SLC12A2: variants seen among roughly 807,000 people sequenced by gnomAD.
SLC12A2 encodes the protein Na-K-2Cl cotransporter 1.
Under a neutral mutation model 136.3 loss-of-function variants are expected in SLC12A2, and 67 were observed. The ratio of observed to expected loss-of-function variants is 0.49; its 90% confidence interval spans 0.40 to 0.60. The LOEUF is 0.60. Among genes scored for constraint, SLC12A2 ranks in the 20% least tolerant of loss-of-function variants. The pLI is 0.00. For synonymous variants in SLC12A2, 619 were observed against 562.9 expected (o/e 1.10, Z -1.41); for missense variants, 1,322 against 1,534.7 (o/e 0.86, Z 2.32).
chr5:128,146,045 A>G (rs1192171945), intron 10 of SLC12A2, among the ~76,000 whole-genome samples: 1 of 151,946 alleles, frequency 6.6e-6, no homozygotes, highest in Non-Finnish European at 1.5e-5. Flanking sequence ...TCACAGATTC[A>G]GAAGTACACA....
At chr5:128,135,850 A>G in intron 7 of SLC12A2, 42 bp downstream of exon 7, 2 of 1,037,426 alleles carry the variant, frequency 1.9e-6, no homozygotes, top group Non-Finnish European at 3.0e-6. Context: ...GTACCTATTT[A>G]TAGAATTCTA....
intron 16 of SLC12A2, among the ~76,000 whole-genome samples, chr5:128,158,970 C>T (rs914343986): frequency 1.4e-5 from 2 of 146,650 alleles, no homozygotes; most frequent in African/African-American, 2.5e-5. Flanking sequence ...ATTTATAGGG[C>T]TTTCTAGATT....
At chr5:128,149,671 T>C (rs1762637901) in intron 12 of SLC12A2, among the ~76,000 whole-genome samples, 1 of 151,884 alleles carries the variant, frequency 6.6e-6, no homozygotes, top group African/African-American at 2.4e-5. Context: ...GTATGCTATT[T>C]ATGTAACTTT....
chr5:128,126,956 ATATATATAT>A (rs1458959514), intron 4 of SLC12A2, among the ~76,000 whole-genome samples: 1 of 29,128 alleles, frequency 3.4e-5, no homozygotes, highest in African/African-American at 2.9e-4. Flanking sequence ...ATATATATAT[ATATATATAT>A]ATTTTTTTTT....
chr5:128,104,507 C>CT (rs1227332582), intron 1 of SLC12A2, among the ~76,000 whole-genome samples: 1 of 151,966 alleles, frequency 6.6e-6, no homozygotes, highest in East Asian at 1.9e-4. Context: ...TGGCAGGCAC[C>CT]TGTAATCCCA....
chr5:128,153,109 A>G (rs916025460), intron 15 of SLC12A2, among the ~76,000 whole-genome samples: 4 of 152,174 alleles, frequency 2.6e-5, no homozygotes, highest in Non-Finnish European at 5.9e-5. Context: ...ATTTTTTGAC[A>G]TGCGTTATTT....
intron 1 of SLC12A2, among the ~76,000 whole-genome samples, chr5:128,096,228 T>C (rs1760532173): frequency 6.6e-6 from 1 of 152,070 alleles, no homozygotes; most frequent in African/African-American, 2.4e-5. Flanking sequence ...AGATGAGGTA[T>C]TAGGAAAAAC....
intron 1 of SLC12A2, among the ~76,000 whole-genome samples, chr5:128,100,324 A>G (rs528790617): frequency 7.2e-5 from 11 of 152,116 alleles, no homozygotes; most frequent in Non-Finnish European, 1.5e-4. Context: ...CAGTTTCCTT[A>G]TATGAAAAAT....
chr5:128,145,247 G>A lies in SLC12A2; in HGVS notation c.1774-2375G>A, dbSNP rs538725651. ...GAAAGGTTATAGTAATGCTGGTGGTGTCAGTTTTGCCTTACTCCTACAATG... is the reference window on the plus strand; with the variant it reads ...GAAAGGTTATAGTAATGCTGGTGGTATCAGTTTTGCCTTACTCCTACAATG... On this transcript the variant is annotated intron_variant, in intron 10 of 26. Transcript: ENST00000262461. Among the ~76,000 whole-genome samples, 34 of 152,202 alleles carry A rather than the reference G, an allele frequency of 2.2e-4. No individual in the cohort carries two copies. The South Asian group carries it at 6.8e-3, about 31-fold the overall frequency.
At chr5:128,141,757 T>C (rs1378966519) in intron 9 of SLC12A2, 73 bp from the exon 10 acceptor site, 3 of 1,277,594 alleles carry the variant, frequency 2.3e-6, no homozygotes, top group African/African-American at 3.0e-5. Context: ...TTTATAAATA[T>C]ATATATGTAT....
intron 23 of SLC12A2, 89 bp downstream of exon 23, chr5:128,181,083 GA>G: frequency 1.2e-6 from 1 of 835,860 alleles, no homozygotes; most frequent in Non-Finnish European, 2.0e-6. Flanking sequence ...AGACAATCCA[GA>G]AAATGTCTAT....
At chr5:128,144,415 A>G (rs957099368) in intron 10 of SLC12A2, among the ~76,000 whole-genome samples, 7 of 152,306 alleles carry the variant, frequency 4.6e-5, no homozygotes, top group African/African-American at 1.7e-4. Context: ...AGTCTCCATC[A>G]TAAGATCTAT....
At chr5:128,098,494 T>C (rs1004854109) in intron 1 of SLC12A2, among the ~76,000 whole-genome samples, 4 of 151,934 alleles carry the variant, frequency 2.6e-5, no homozygotes, top group African/African-American at 7.2e-5. Context: ...TTGTTTTTTT[T>C]GTTTTTTTTT....
At chr5:128,092,909 T>C (rs1760389913) in intron 1 of SLC12A2, among the ~76,000 whole-genome samples, 1 of 152,194 alleles carries the variant, frequency 6.6e-6, no homozygotes, top group African/African-American at 2.4e-5. Context: ...AGCTTCTATC[T>C]GACAGAAAAA....
chr5:128,181,422 G>GT (rs1763704187), intron 23 of SLC12A2, among the ~76,000 whole-genome samples: 1 of 152,048 alleles, frequency 6.6e-6, no homozygotes, highest in African/African-American at 2.4e-5. Context: ...TCTTGTTTCA[G>GT]TATTTCTCTC....
intron 4 of SLC12A2, among the ~76,000 whole-genome samples, chr5:128,119,533 G>GA (rs1302024679): frequency 6.6e-6 from 1 of 152,104 alleles, no homozygotes; most frequent in Admixed American, 6.5e-5. Context: ...GATACTTGTA[G>GA]ATATGCAGCA....
At chr5:128,161,925 T>A in intron 17 of SLC12A2, 125 bp downstream of exon 17, 1 of 598,648 alleles carries the variant, frequency 1.7e-6, no homozygotes, top group Non-Finnish European at 2.5e-6. Flanking sequence ...ATGTCTTTAT[T>A]AAAGTAAACT....
chr5:128,093,402 A>ACC (rs1760410717), intron 1 of SLC12A2, among the ~76,000 whole-genome samples: 1 of 152,016 alleles, frequency 6.6e-6, no homozygotes, highest in South Asian at 2.1e-4. Context: ...TTCGTCTTCT[A>ACC]CCCACACTCC....
chr5:128,121,122 T>C (rs545558469), intron 4 of SLC12A2, among the ~76,000 whole-genome samples: 1 of 152,314 alleles, frequency 6.6e-6, no homozygotes, highest in South Asian at 2.1e-4. Flanking sequence ...CAGTACATTT[T>C]AGAGATTAAA....
Sources: allele counts gnomAD v4.1 joint callset (sites outside exome capture counted in the v4.1 genomes callset), GRCh38; gene constraint gnomAD v4.1.1; transcripts MANE v1.5; gene names NCBI Gene and HGNC (gene_info 2026-07-23, HGNC 2026-07-21).